The following NSG2 variants were observed in gnomAD, a reference collection of about 807,000 sequenced individuals.
The protein encoded by NSG2 is neuronal vesicle trafficking associated 2, also known as neuronal vesicle trafficking-associated protein 2.
Under a neutral mutation model 16.9 loss-of-function variants are expected in NSG2, and 4 were observed. That is an observed-to-expected ratio of 0.24 (90% CI 0.12 to 0.54). The LOEUF (loss-of-function observed/expected upper bound fraction) is 0.54, where lower values mean the gene tolerates loss of function less well. Among genes scored for constraint, NSG2 ranks in the 20% least tolerant of loss-of-function variants. NSG2 has a pLI of 0.95. For synonymous variants in NSG2, 98 were observed against 88.7 expected (o/e 1.11, Z -0.59); for missense variants, 179 against 221.1 (o/e 0.81, Z 1.21).
chr5:174,075,654 G>A (rs902661396), intron 3 of NSG2, among the ~76,000 whole-genome samples: 1 of 152,164 alleles, frequency 6.6e-6, no homozygotes, highest in Non-Finnish European at 1.5e-5. Flanking sequence ...CACCTGCTCC[G>A]CAATCCCAGT....
chr5:174,074,049 T>C (rs972433936), intron 3 of NSG2, among the ~76,000 whole-genome samples: 1 of 152,088 alleles, frequency 6.6e-6, no homozygotes, highest in Non-Finnish European at 1.5e-5. Context: ...GTTTACACCA[T>C]GGAAATCAGC....
chr5:174,088,146 G>T (rs1760663016), intron 3 of NSG2, among the ~76,000 whole-genome samples: 2 of 152,192 alleles, frequency 1.3e-5, no homozygotes, highest in Admixed American at 1.3e-4. Flanking sequence ...GTTTCAGACC[G>T]AAGCCAGACA....
In NSG2 at chr5:174,108,113, C is replaced by A. The variant is rs1046194733; in HGVS notation, c.*608C>A. On this transcript the variant is annotated 3_prime_UTR_variant, in exon 5 of 5. Transcript: ENST00000303177. ...CATAACCCATAGTGAAATGTGCTGGCCTCTGGTGCATTTTGCAAGATGAGC... is the reference window on the plus strand; with the variant it reads ...CATAACCCATAGTGAAATGTGCTGGACTCTGGTGCATTTTGCAAGATGAGC... The A allele has an allele frequency of 1.5e-4, 33 of 225,010 alleles. No homozygotes were observed. The highest frequency in any genetic ancestry group is 7.1e-4 in the African/African-American group (30 of 42,276). The allele number at this position is 225,010 out of a possible 1,614,324, so 13.9% of individuals were successfully genotyped here. A position where few individuals can be genotyped will look rare whatever the true frequency, so the allele number is the denominator to read the frequency against.
chr5:174,053,158 C>T (rs781517391), intron 2 of NSG2, among the ~76,000 whole-genome samples: 13 of 152,134 alleles, frequency 8.5e-5, no homozygotes, highest in Admixed American at 2.6e-4. Flanking sequence ...CATCTCTGGG[C>T]TTTGAGTTTG....
At chr5:174,061,505 C>G (rs1174313176) in intron 2 of NSG2, among the ~76,000 whole-genome samples, 1 of 152,228 alleles carries the variant, frequency 6.6e-6, no homozygotes, top group Non-Finnish European at 1.5e-5. Flanking sequence ...AGATCACATG[C>G]TATTTCACAC....
chr5:174,073,556 A>G (rs951098643), intron 3 of NSG2, among the ~76,000 whole-genome samples: 1 of 152,164 alleles, frequency 6.6e-6, no homozygotes, highest in South Asian at 2.1e-4. Context: ...ATGCTGGCCT[A>G]TGTTTTTGTC....
chr5:174,092,504 G>A (rs540649737), intron 3 of NSG2, among the ~76,000 whole-genome samples: 8 of 152,310 alleles, frequency 5.3e-5, no homozygotes, highest in Non-Finnish European at 1.0e-4. Context: ...TGGGGAGGAC[G>A]GATCACAGAT....
At chr5:174,070,845 G>A (rs1760226595) in intron 3 of NSG2, among the ~76,000 whole-genome samples, 1 of 152,182 alleles carries the variant, frequency 6.6e-6, no homozygotes, top group African/African-American at 2.4e-5. Context: ...AGGGCAGGGA[G>A]GTGTCTGGTG....
At position 174,107,581 on chromosome 5, in the gene NSG2, G is replaced by T; in HGVS notation, c.*76G>T. ...TGGCTAAGCCAAGCTCCAGTTACAA[G>T]ACAACACTGTACTCCTGGGATATGG... On this transcript the variant is annotated 3_prime_UTR_variant, in exon 5 of 5. Coordinates refer to ENST00000303177, the MANE Select transcript of NSG2 (RefSeq NM_015980.5). This position sits in a 1 kb window ranked among gnomAD's most constrained non-coding sequence, Gnocchi z 4.5. 1.2e-6 allele frequency: 1 copy of T among 857,802 alleles called. No individual in the cohort carries two copies. Among genetic ancestry groups the T allele is most frequent in the Non-Finnish European group, 1.7e-6 (1 of 586,360 alleles). The allele number at this position is 857,802 out of a possible 1,614,324, so 53.1% of individuals were successfully genotyped here.
chr5:174,058,089 T>G (rs1370131506), intron 2 of NSG2, among the ~76,000 whole-genome samples: 1 of 152,208 alleles, frequency 6.6e-6, no homozygotes, highest in East Asian at 1.9e-4. Flanking sequence ...GTGTTTGATT[T>G]GACATAAACA....
intron 3 of NSG2, among the ~76,000 whole-genome samples, chr5:174,095,913 A>G (rs767676209): frequency 6.6e-6 from 1 of 152,222 alleles, no homozygotes; most frequent in Non-Finnish European, 1.5e-5. Flanking sequence ...TAATTAGTGA[A>G]TAAAATATCT....
chr5:174,064,231 GGTGATT>G lies in NSG2; in HGVS notation c.134_139del (p.Ile45_Val46del). ...GCTAACACACTGGTTGACTCTTTCA[GGTGATT>G]GTGAAGACAAGAACGGAATATCAGC... On this transcript the variant is annotated inframe_deletion and splice_region_variant, in exon 3 of 5. Coordinates refer to ENST00000303177, the MANE Select transcript of NSG2 (RefSeq NM_015980.5). The G allele has an allele frequency of 6.2e-7, 1 of 1,606,056 alleles. No individual in the cohort carries two copies. Among genetic ancestry groups the G allele is most frequent in the Middle Eastern group, 1.7e-4 (1 of 6,044 alleles).
chr5:174,106,196 G>C (rs758136523), intron 4 of NSG2, among the ~76,000 whole-genome samples: 22 of 152,308 alleles, frequency 1.4e-4, no homozygotes, highest in Middle Eastern at 3.4e-3. Flanking sequence ...TCAGGAGGAA[G>C]GGATGGACGC....
rs1245881242 is a variant in NSG2 at position 174,072,197 on chromosome 5, C to T, written c.213+7882C>T. Among the ~76,000 whole-genome samples the T allele has an allele frequency of 6.6e-6, 1 of 152,202 alleles. No individual in the cohort carries two copies. Among genetic ancestry groups the T allele is most frequent in the African/African-American group, 2.4e-5 (1 of 41,450 alleles). Reference sequence around the variant, plus strand: ...ACCTGTCCCAGCCCTCTCCCTGATCCCTGGCCCCTTTCCTCAGCAGCCCCA... The same window carrying T: ...ACCTGTCCCAGCCCTCTCCCTGATCTCTGGCCCCTTTCCTCAGCAGCCCCA... On this transcript the variant is annotated intron_variant, in intron 3 of 4. Transcript: ENST00000303177. The surrounding 1 kb of genome is among the most constrained non-coding windows in gnomAD (Gnocchi z 4.0).
chr5:174,053,322 CTCTTGA>C (rs1759920648), intron 2 of NSG2, among the ~76,000 whole-genome samples: 1 of 151,988 alleles, frequency 6.6e-6, no homozygotes, highest in South Asian at 2.1e-4. Flanking sequence ...CAGAATATGT[CTCTTGA>C]AGATGATAGG....
chr5:174,063,200 G>A lies in NSG2; in HGVS notation c.130-1032G>A, dbSNP rs146011972. On this transcript the variant is annotated intron_variant, in intron 2 of 4. Coordinates refer to ENST00000303177, the MANE Select transcript of NSG2 (RefSeq NM_015980.5). ...TAGAATTATTTGTCTCTATTTTACA[G>A]ATGAGACCCTGAGGCTTAGACAGCT... 2.0e-5 allele frequency among the ~76,000 whole-genome samples: 3 copies of A among 152,340 alleles called. No individual in the cohort carries two copies. In the East Asian group the frequency reaches 5.8e-4, roughly 29 times the overall value.
At chr5:174,064,050 T>C (rs1760100038) in intron 2 of NSG2, among the ~76,000 whole-genome samples, 182 bp from the exon 3 acceptor site, 1 of 152,222 alleles carries the variant, frequency 6.6e-6, no homozygotes, top group Non-Finnish European at 1.5e-5. Flanking sequence ...TACCTAGGGT[T>C]GTCTCTGTTG....
intron 3 of NSG2, among the ~76,000 whole-genome samples, chr5:174,066,501 A>G (rs927452460): frequency 6.6e-6 from 1 of 152,238 alleles, no homozygotes; most frequent in African/African-American, 2.4e-5. Flanking sequence ...GAACACATCC[A>G]TATGATGAAC....
At chr5:174,059,571 C>G (rs1760018125) in intron 2 of NSG2, among the ~76,000 whole-genome samples, 1 of 152,270 alleles carries the variant, frequency 6.6e-6, no homozygotes, top group Middle Eastern at 3.4e-3. Context: ...AGATAGAAAG[C>G]TTTTAGTTTC....
Sources: gnomAD v4.1 joint callset for allele counts (sites outside exome capture counted in the v4.1 genomes callset) on GRCh38, gnomAD v4.1.1 for gene constraint, Gnocchi (gnomAD v3.1) non-coding constraint, MANE v1.5 for transcripts, NCBI Gene and HGNC (gene_info 2026-07-23, HGNC 2026-07-21) for gene names.